Variants in XDH observed in about 807,000 individuals in gnomAD.
XDH encodes the protein xanthine dehydrogenase/oxidase.
A neutral mutation model predicts 156.1 loss-of-function variants in XDH; 138 were observed. The ratio of observed to expected loss-of-function variants is 0.88; its 90% CI spans 0.77 to 1.02. The LOEUF is 1.02. XDH is among the 50% of genes least tolerant of loss of function. The probability of loss-of-function intolerance (pLI) is 0.00; values close to 1 mark genes in which losing one functional copy is unlikely to be tolerated. For missense variants in XDH, 1,849 were observed against 1,684.9 expected (o/e 1.10, Z -1.71); for synonymous variants, 669 against 625.7 (o/e 1.07, Z -1.03).
intron 5 of XDH, 89 bp downstream of exon 5, chr2:31,398,484 C>T (rs1307608163): frequency 1.9e-6 from 3 of 1,603,044 alleles, no homozygotes; most frequent in African/African-American, 2.7e-5. Flanking sequence ...AAGGGTAGTC[C>T]CTCATGCTTC....
At chr2:31,341,455 G>A (rs957704645) in intron 32 of XDH, 61 bp from the exon 33 acceptor site, 7 of 1,511,932 alleles carry the variant, frequency 4.6e-6, no homozygotes, top group Non-Finnish European at 5.4e-6. Flanking sequence ...GAATATGACA[G>A]ATGACTCATA....
Position 31,373,950 on chromosome 2 carries a change from C to T in XDH, c.1609G>A (p.Gly537Ser), listed in dbSNP as rs1213173524. ...CTGGCGAAAGTGGGGTCCAGTTTAC[C>T]ACACTTCTGTGGAGACAAGAAAACA... ...LGQENLEDKC[G>S]KLDPTFASAT... Residue 537 changes from glycine to serine, a missense_variant, in exon 16 of 36, where the codon GGT (glycine) becomes AGT (serine). Transcript: ENST00000379416. 1 of 1,613,460 alleles carries T rather than the reference C, an allele frequency of 6.2e-7. No homozygotes were observed. Among genetic ancestry groups the T allele is most frequent in the Admixed American group, 1.7e-5 (1 of 59,966 alleles).
chr2:31,340,069 C>T (rs1685084781), intron 33 of XDH, among the ~76,000 whole-genome samples: 1 of 152,206 alleles, frequency 6.6e-6, no homozygotes, highest in Non-Finnish European at 1.5e-5. Context: ...TTTTTGAACG[C>T]CCACCCCTGC....
At chr2:31,363,407 TA>T (rs1685829289) in intron 24 of XDH, among the ~76,000 whole-genome samples, 1 of 152,194 alleles carries the variant, frequency 6.6e-6, no homozygotes. Flanking sequence ...TATGGTTCTA[TA>T]AAATGACTTG....
In XDH at chr2:31,396,882, G is replaced by A. The variant is rs2217367; in HGVS notation, c.495+786C>T. ...TTACCCACCCCTTCTTGGATTATAC[G>A]ATTATACAGACACAGCACTCTTTTT... On this transcript the variant is annotated intron_variant, in intron 6 of 35. Transcript: ENST00000379416. Among the ~76,000 whole-genome samples the A allele has an allele frequency of 1.5e-3, 233 of 152,210 alleles. 1 individual carries two copies. The highest frequency in any genetic ancestry group is 0.014 in the South Asian group (65 of 4,806).
chr2:31,411,241 A>G (rs369704541), intron 1 of XDH, among the ~76,000 whole-genome samples: 2 of 150,492 alleles, frequency 1.3e-5, no homozygotes, highest in African/African-American at 4.9e-5. Context: ...AGATCGCGCC[A>G]CTGCACTCCA....
chr2:31,403,340 G>A (rs558112053), intron 2 of XDH, among the ~76,000 whole-genome samples, 196 bp from the exon 3 acceptor site: 1 of 152,280 alleles, frequency 6.6e-6, no homozygotes, highest in South Asian at 2.1e-4. Context: ...CAGGGAACAC[G>A]GCCATCTCCA....
At position 31,335,893 on chromosome 2, in the gene XDH, T is replaced by C. The variant is rs1684958051; in HGVS notation, c.*65A>G. ...ACTTTAATAGATCCATGTTCTGTGG[T>C]ATGTTCCTCCTGCTCCATGGAAGCC... On this transcript the variant is annotated 3_prime_UTR_variant, in exon 36 of 36. Transcript: ENST00000379416. 2 of 1,541,352 alleles carry C rather than the reference T, an allele frequency of 1.3e-6. No homozygotes were observed.
chr2:31,404,690 G>A (rs1687149597), intron 2 of XDH, among the ~76,000 whole-genome samples: 1 of 152,106 alleles, frequency 6.6e-6, no homozygotes, highest in East Asian at 1.9e-4. Context: ...AGGTAGATGG[G>A]CTGTAAATGG....
rs760178308 is a variant in XDH at position 31,414,674 on chromosome 2, G to A, written c.-8C>T. ...CAATTTGTCTGCTGTCATTGTCACA[G>A]GTTGGGGTCCCCGAACTCCAGGTAC... is the stretch of plus-strand genomic sequence containing the variant. On this transcript the variant is annotated 5_prime_UTR_variant, in exon 1 of 36. Coordinates refer to ENST00000379416, the MANE Select transcript of XDH (RefSeq NM_000379.4). The A allele has an allele frequency of 5.6e-6, 9 of 1,614,004 alleles. No homozygotes were observed. Among genetic ancestry groups the A allele is most frequent in the Non-Finnish European group, 7.6e-6 (9 of 1,179,998 alleles).
At position 31,388,421 on chromosome 2, in the gene XDH, G is replaced by T. The variant is rs1458661196; in HGVS notation, c.496-126C>A. Reference sequence around the variant, plus strand: ...GCCTGTCCCAGCATCAACAGCAGGGGCATCCTGCCTGCCTGTTGCCCAGAG... The same window carrying T: ...GCCTGTCCCAGCATCAACAGCAGGGTCATCCTGCCTGCCTGTTGCCCAGAG... On this transcript the variant is annotated intron_variant, in intron 6 of 35. Coordinates refer to ENST00000379416, the MANE Select transcript of XDH (RefSeq NM_000379.4). 1.9e-5 allele frequency: 20 copies of T among 1,038,922 alleles called. No homozygotes were observed. In the South Asian group the frequency reaches 2.4e-4, roughly 12 times the overall value. 64.4% of individuals were successfully genotyped at this position (1,038,922 alleles called of 1,614,324 possible).
At chr2:31,380,119 C>T in intron 12 of XDH, 143 bp from the exon 13 acceptor site, 1 of 785,256 alleles carries the variant, frequency 1.3e-6, no homozygotes, top group South Asian at 1.5e-5. Context: ...ACAATTGGGG[C>T]CAAATCCTCT....
intron 13 of XDH, 145 bp downstream of exon 13, chr2:31,379,722 G>C (rs1363866604): frequency 1.2e-6 from 1 of 846,220 alleles, no homozygotes; most frequent in African/African-American, 1.7e-5. Context: ...TGGTTCAACA[G>C]AGGCAAAGTT....
intron 31 of XDH, among the ~76,000 whole-genome samples, chr2:31,343,499 C>A (rs1471262651): frequency 8.9e-6 from 1 of 112,602 alleles, no homozygotes; most frequent in African/African-American, 3.8e-5. Flanking sequence ...GCCTTATATA[C>A]TTATATATAT....
At chr2:31,401,158 T>G in intron 4 of XDH, 62 bp downstream of exon 4, 15 of 1,585,962 alleles carry the variant, frequency 9.5e-6, no homozygotes, top group African/African-American at 1.3e-5. Flanking sequence ...AACTTTGGCA[T>G]GAGCCTCCCT....
At chr2:31,354,933 C>T (rs1024041128) in intron 24 of XDH, among the ~76,000 whole-genome samples, 2 of 152,138 alleles carry the variant, frequency 1.3e-5, no homozygotes, top group Admixed American at 6.5e-5. Flanking sequence ...ATTCAAGATG[C>T]TTGGTGATCT....
intron 15 of XDH, 45 bp downstream of exon 15, chr2:31,375,335 C>T: frequency 6.2e-7 from 1 of 1,613,758 alleles, no homozygotes; most frequent in Non-Finnish European, 8.5e-7. Flanking sequence ...TCTTATATCC[C>T]CAAACATGCT....
At chr2:31,348,845 G>T in intron 27 of XDH, 54 bp downstream of exon 27, 1 of 1,519,428 alleles carries the variant, frequency 6.6e-7, no homozygotes, top group South Asian at 1.1e-5. Context: ...GTAAACAACA[G>T]GGAAATGGGG....
At chr2:31,382,718 C>A (rs1450055437) in intron 11 of XDH, among the ~76,000 whole-genome samples, 1 of 152,184 alleles carries the variant, frequency 6.6e-6, no homozygotes, top group Admixed American at 6.5e-5. Context: ...TCTCTGCAAC[C>A]ACAGAATGAA....
Sources: allele counts gnomAD v4.1 joint callset (sites outside exome capture counted in the v4.1 genomes callset), GRCh38; gene constraint gnomAD v4.1.1; transcripts MANE v1.5; gene names NCBI Gene and HGNC (gene_info 2026-07-23, HGNC 2026-07-21).